ZIM3: variants seen among roughly 807,000 people sequenced by gnomAD.
The protein encoded by ZIM3 is zinc finger protein 657.
ZIM3 carries 11 observed loss-of-function variants against 12.9 expected under a neutral mutation model. The ratio of observed to expected loss-of-function variants is 0.85; its 90% CI spans 0.54 to 1.41. The LOEUF (loss-of-function observed/expected upper bound fraction) is 1.41. Ranked by LOEUF, ZIM3 falls within the 40% of genes most tolerant of loss-of-function variation. The pLI, the probability that ZIM3 is intolerant of heterozygous loss-of-function variation, is 0.00. For synonymous variants in ZIM3, 205 were observed against 198.5 expected, an observed-to-expected ratio of 1.03 and a Z score of -0.28; for missense variants, 604 against 557.2, an observed-to-expected ratio of 1.08 and a Z score of -0.85.
At chr19:57,141,637 G>C (rs2086914441) in intron 2 of ZIM3, among the ~76,000 whole-genome samples, 1 of 152,024 alleles carries the variant, frequency 6.6e-6, no homozygotes, top group African/African-American at 2.4e-5. Flanking sequence ...GATCACCTGA[G>C]GTCAAGATTT....
At position 57,135,092 on chromosome 19, in the gene ZIM3, T is replaced by A. The variant is rs1433164113; in HGVS notation, c.1245A>T (p.Gly415=). The change falls in exon 5 of 5, where the codon GGA becomes GGT. Residue 415 remains glycine (G), a synonymous_variant. Transcript: ENST00000269834. ...NLHSHQKTHS[G]ERTYRCSECG... Reference sequence around the variant, plus strand: ...ATTCACTACATCTATAGGTCCTCTCTCCGCTATGAGTTTTCTGATGGCTAT... The same window carrying A: ...ATTCACTACATCTATAGGTCCTCTCACCGCTATGAGTTTTCTGATGGCTAT... The A allele has an allele frequency of 1.2e-6, 2 of 1,614,210 alleles. No individual in the cohort carries two copies. The highest frequency in any genetic ancestry group is 3.3e-5 in the Admixed American group (2 of 60,022).
rs766584660 is a variant in ZIM3 at position 57,135,055 on chromosome 19, A to G, written c.1282T>C (p.Phe428Leu). The change falls in exon 5 of 5, where the codon TTC (phenylalanine) becomes CTC (leucine). Residue 428 changes from phenylalanine (F) to leucine (L), a missense_variant. Coordinates refer to ENST00000269834, the MANE Select transcript of ZIM3 (RefSeq NM_052882.1). ...AAACTAAGGTTTAATTTCCGGATGA[A>G]GGTTTTTCCACATTCACTACATCTA... ...TYRCSECGKT[F>L]IRKLNLSLHK... 6.2e-7 allele frequency: 1 copy of G among 1,614,136 alleles called. No homozygotes were observed. The highest frequency in any genetic ancestry group is 1.3e-5 in the African/African-American group (1 of 75,006).
intron 1 of ZIM3, 137 bp from the exon 2 acceptor site, chr19:57,142,822 T>A (rs935689413): frequency 5.0e-6 from 3 of 602,586 alleles, no homozygotes; most frequent in East Asian, 2.9e-5. Context: ...TGTACCTCAG[T>A]GATCCCCTTC....
intron 3 of ZIM3, among the ~76,000 whole-genome samples, chr19:57,137,313 T>C (rs2086891349): frequency 6.6e-6 from 1 of 152,088 alleles, no homozygotes; most frequent in South Asian, 2.1e-4. Flanking sequence ...AACATGAAGA[T>C]AGCAAGACCC....
intron 2 of ZIM3, among the ~76,000 whole-genome samples, chr19:57,141,097 G>A (rs543487135): frequency 3.9e-5 from 6 of 152,140 alleles, no homozygotes; most frequent in Admixed American, 3.9e-4. Flanking sequence ...AAGAGCAATG[G>A]TCAAAAGATG....
At chr19:57,142,599 A>G (rs780043807) in intron 2 of ZIM3, 30 bp downstream of exon 2, 7 of 1,612,074 alleles carry the variant, frequency 4.3e-6, no homozygotes, top group African/African-American at 1.3e-5. Context: ...TTTATTCATT[A>G]TGAGATTTAG....
rs1358051658 is a variant in ZIM3 at position 57,135,367 on chromosome 19, T to C, written c.970A>G (p.Lys324Glu). 1.2e-6 allele frequency: 2 copies of C among 1,613,996 alleles called. No homozygotes were observed. The highest frequency in any genetic ancestry group is 2.2e-5 in the South Asian group (2 of 91,064). The change falls in exon 5 of 5, where the codon AAA becomes GAA. Residue 324 changes from lysine to glutamate, a missense_variant. Coordinates refer to ENST00000269834, the MANE Select transcript of ZIM3 (RefSeq NM_052882.1). ...TCTCCCGTGTGTATTCTCTGGTGTT[T>C]CACAAGATCTGACTTGTAAATGAAA... Reference protein sequence around the residue: ...KAFIYKSDLVKHQRIHTGEKP... With the variant: ...KAFIYKSDLVEHQRIHTGEKP...
At position 57,135,015 on chromosome 19, in the gene ZIM3, TG is replaced by T; in HGVS notation, c.1321del (p.His441IlefsTer97). The T allele has an allele frequency of 1.9e-6, 3 of 1,614,178 alleles. No individual in the cohort carries two copies. Among genetic ancestry groups the T allele is most frequent in the Non-Finnish European group, 1.7e-6 (2 of 1,180,030 alleles). On this transcript the variant is annotated frameshift_variant, in exon 5 of 5. Coordinates refer to ENST00000269834, the MANE Select transcript of ZIM3 (RefSeq NM_052882.1). LOFTEE classifies it low-confidence loss of function (END_TRUNC). ...ACATCCATAAGGTTTTTGTCCAGTA[TG>T]GGTTTTTTTATGCAAACTAAGGTTT... The part of the protein sequence containing the change: ...KLNLSLHKKT[H>X]TGQKPYGCSE...
At chr19:57,141,209 A>G (rs927531577) in intron 2 of ZIM3, among the ~76,000 whole-genome samples, 11 of 152,038 alleles carry the variant, frequency 7.2e-5, no homozygotes, top group African/African-American at 1.2e-4. Flanking sequence ...AGCCCGACCA[A>G]TATGGTAAAA....
chr19:57,144,534 C>T (rs2086928991), intron 1 of ZIM3, among the ~76,000 whole-genome samples: 1 of 151,996 alleles, frequency 6.6e-6, no homozygotes, highest in East Asian at 1.9e-4. Context: ...TTAATCATCC[C>T]CCCAATGTAA....
chr19:57,142,598 T>C, intron 2 of ZIM3, 31 bp downstream of exon 2: 1 of 1,612,052 alleles, frequency 6.2e-7, no homozygotes, highest in African/African-American at 1.3e-5. Flanking sequence ...GTTTATTCAT[T>C]ATGAGATTTA....
Position 57,136,925 on chromosome 19 carries a change from T to C in ZIM3, c.189A>G (p.Gln63=), listed in dbSNP as rs1401131911. ...CTTCCTCCAACCATGGCTCCTTTCCTTGTTCCAACCTCAAGATCACATCGG... is the reference window on the plus strand; with the variant it reads ...CTTCCTCCAACCATGGCTCCTTTCCCTGTTCCAACCTCAAGATCACATCGG... The part of the protein sequence containing the change: ...TKPDVILRLE[Q]GKEPWLEEEE... Residue 63 remains glutamine (Q), a synonymous_variant, in exon 4 of 5, where the codon CAA becomes CAG. Transcript: ENST00000269834. 1.9e-6 allele frequency: 3 copies of C among 1,614,178 alleles called. No homozygotes were observed. The highest frequency in any genetic ancestry group is 2.2e-5 in the South Asian group (2 of 91,084).
chr19:57,141,841 G>A (rs988482533), intron 2 of ZIM3, among the ~76,000 whole-genome samples: 8 of 135,086 alleles, frequency 5.9e-5, no homozygotes, highest in Non-Finnish European at 1.0e-4. Flanking sequence ...GTGACACAGC[G>A]AGACTCCCTC....
intron 3 of ZIM3, among the ~76,000 whole-genome samples, chr19:57,137,432 G>A (rs1408897051): frequency 2.6e-5 from 4 of 152,060 alleles, no homozygotes; most frequent in African/African-American, 4.8e-5. Context: ...TTGCAGTGAC[G>A]CCAGGCGTGG....
At chr19:57,136,526 T>C (rs1277127192) in intron 4 of ZIM3, among the ~76,000 whole-genome samples, 1 of 151,674 alleles carries the variant, frequency 6.6e-6, no homozygotes, top group African/African-American at 2.4e-5. Flanking sequence ...TCGCCGGGCA[T>C]GGTGGCAAGT....
Position 57,135,412 on chromosome 19 carries a change from A to G in ZIM3, c.925T>C (p.Cys309Arg). Residue 309 changes from cysteine (C) to arginine (R), a missense_variant, in exon 5 of 5, where the codon TGT (cysteine) becomes CGT (arginine). Cys to Arg is a radical substitution (Grantham distance 180). Coordinates refer to ENST00000269834, the MANE Select transcript of ZIM3 (RefSeq NM_052882.1). ...KVHTGQKPFQ[C>R]TDCGKAFIYK... is the part of the protein sequence containing the mutation. ...ATGAAAGCCTTTCCACAGTCCGTAC[A>G]TTGAAAGGGTTTTTGTCCAGTGTGA... 1 of 1,614,142 alleles carries G rather than the reference A, an allele frequency of 6.2e-7. No homozygotes were observed. Among genetic ancestry groups the G allele is most frequent in the South Asian group, 1.1e-5 (1 of 91,080 alleles).
rs2086879322 is a variant in ZIM3 at position 57,135,083 on chromosome 19, G to A, written c.1254C>T (p.Thr418=). Reference sequence around the variant, plus strand: ...TTTTTCCACATTCACTACATCTATAGGTCCTCTCTCCGCTATGAGTTTTCT... The same window carrying A: ...TTTTTCCACATTCACTACATCTATAAGTCCTCTCTCCGCTATGAGTTTTCT... ...SHQKTHSGER[T]YRCSECGKTF... is the part of the protein sequence containing the mutation. Residue 418 remains threonine, a synonymous_variant, in exon 5 of 5, where the codon ACC becomes ACT. Transcript: ENST00000269834. The A allele has an allele frequency of 6.2e-7, 1 of 1,613,980 alleles. No individual in the cohort carries two copies. The highest frequency in any genetic ancestry group is 8.5e-7 in the Non-Finnish European group (1 of 1,180,032).
At position 57,134,696 on chromosome 19, in the gene ZIM3, T is replaced by C. The variant is rs955639543; in HGVS notation, c.*222A>G. 1.9e-6 allele frequency: 1 copy of C among 514,730 alleles called. No homozygotes were observed. The highest frequency in any genetic ancestry group is 1.9e-5 in the African/African-American group (1 of 52,622). The allele number at this position is 514,730 out of a possible 1,614,324, so 31.9% of individuals were successfully genotyped here. ...TTGGTTTATTGCTACATCTTCAGTG[T>C]TTAAGAGTTCCTGGTACACAAAAGG... On this transcript the variant is annotated 3_prime_UTR_variant, in exon 5 of 5. Coordinates refer to ENST00000269834, the MANE Select transcript of ZIM3 (RefSeq NM_052882.1).
intron 2 of ZIM3, among the ~76,000 whole-genome samples, chr19:57,139,994 C>A (rs775532330): frequency 1.3e-5 from 2 of 152,106 alleles, no homozygotes; most frequent in Non-Finnish European, 2.9e-5. Context: ...CTTACGGCAG[C>A]ATTTTGCCCC....
Sources: gnomAD v4.1 joint callset for allele counts (sites outside exome capture counted in the v4.1 genomes callset) on GRCh38, gnomAD v4.1.1 for gene constraint, MANE v1.5 for transcripts, NCBI Gene and HGNC (gene_info 2026-07-23, HGNC 2026-07-21) for gene names.